Variants in ADCK1 observed in about 807,000 individuals in gnomAD.
The protein encoded by ADCK1 is aarF domain containing kinase 1.
Under a neutral mutation model 52.3 loss-of-function variants are expected in ADCK1, and 41 were observed. That is an observed-to-expected ratio of 0.78 (90% confidence interval 0.61 to 1.02). The LOEUF (loss-of-function observed/expected upper bound fraction) is 1.02. Ranked by LOEUF, ADCK1 falls within the 50% of genes least tolerant of loss-of-function variation. The pLI is 0.00. For synonymous variants in ADCK1, 250 were observed against 274.6 expected, an observed-to-expected ratio of 0.91 and a Z score of 0.89; for missense variants, 658 against 679.5, an observed-to-expected ratio of 0.97 and a Z score of 0.35.
intron 4 of ADCK1, among the ~76,000 whole-genome samples, chr14:77,860,444 T>C (rs1594955771): frequency 6.6e-6 from 1 of 152,308 alleles, no homozygotes; most frequent in South Asian, 2.1e-4. Context: ...GCACTGACTA[T>C]TGGTCCCTTA....
At chr14:77,835,073 C>T (rs1479204998) in intron 3 of ADCK1, among the ~76,000 whole-genome samples, 1 of 152,188 alleles carries the variant, frequency 6.6e-6, no homozygotes, top group African/African-American at 2.4e-5. Flanking sequence ...GTGGCAACAT[C>T]ATGAGAGATG....
chr14:77,824,260 A>G (rs1293494293), intron 3 of ADCK1, among the ~76,000 whole-genome samples: 2 of 152,096 alleles, frequency 1.3e-5, no homozygotes, highest in Non-Finnish European at 2.9e-5. Flanking sequence ...ACATTGTTTT[A>G]TCTGTAAATA....
At chr14:77,884,776 G>T (rs1446828339) in intron 4 of ADCK1, among the ~76,000 whole-genome samples, 1 of 152,142 alleles carries the variant, frequency 6.6e-6, no homozygotes, top group African/African-American at 2.4e-5. Context: ...TATATCAAAC[G>T]AAAGTAAAAT....
chr14:77,823,507 A>G (rs927082645), intron 3 of ADCK1, among the ~76,000 whole-genome samples: 1 of 152,190 alleles, frequency 6.6e-6, no homozygotes, highest in Non-Finnish European at 1.5e-5. Context: ...GAACTGTCAT[A>G]TAGCTTCAGA....
chr14:77,841,163 G>A (rs2082057824), intron 3 of ADCK1, among the ~76,000 whole-genome samples: 1 of 152,184 alleles, frequency 6.6e-6, no homozygotes, highest in Non-Finnish European at 1.5e-5. Flanking sequence ...GCCCTGGAGA[G>A]GGAAACTGCA....
intron 3 of ADCK1, among the ~76,000 whole-genome samples, chr14:77,854,562 T>TTG (rs1471249194): frequency 2.7e-5 from 4 of 147,154 alleles, no homozygotes; most frequent in Non-Finnish European, 6.0e-5. Flanking sequence ...GGGCTTTTTT[T>TTG]TTTTTTTTTT....
chr14:77,812,324 A>T (rs1382087487), intron 1 of ADCK1, among the ~76,000 whole-genome samples: 1 of 152,080 alleles, frequency 6.6e-6, no homozygotes, highest in East Asian at 1.9e-4. Context: ...CACCGTTCTA[A>T]CCTCTGCCTC....
chr14:77,862,587 G>C (rs1320812288), intron 4 of ADCK1, among the ~76,000 whole-genome samples: 1 of 152,218 alleles, frequency 6.6e-6, no homozygotes, highest in Non-Finnish European at 1.5e-5. Flanking sequence ...ACCACCCTGG[G>C]TGCCTCAGCC....
chr14:77,921,669 A>G (rs1190864748), intron 7 of ADCK1, among the ~76,000 whole-genome samples: 1 of 152,182 alleles, frequency 6.6e-6, no homozygotes, highest in Non-Finnish European at 1.5e-5. Context: ...ATGGAAAGAT[A>G]GAGTTGGAGG....
chr14:77,826,560 G>T (rs2081711438), intron 3 of ADCK1, among the ~76,000 whole-genome samples: 1 of 152,146 alleles, frequency 6.6e-6, no homozygotes, highest in African/African-American at 2.4e-5. Context: ...CCAGATCCCT[G>T]GTGTTCAAGA....
intron 1 of ADCK1, among the ~76,000 whole-genome samples, chr14:77,810,037 C>CA (rs558244331): frequency 0.16 from 17,234 of 107,438 alleles, 1,573 homozygotes; most frequent in Non-Finnish European, 0.22. Context: ...GACTCTGTCT[C>CA]AAAAAAAAAA....
chr14:77,882,264 G>A (rs977767889), intron 4 of ADCK1, among the ~76,000 whole-genome samples: 2 of 152,138 alleles, frequency 1.3e-5, no homozygotes, highest in African/African-American at 4.8e-5. Context: ...TGTAGGGGGG[G>A]CCAGCTCGAG....
chr14:77,818,189 A>G (rs746468644), intron 1 of ADCK1, among the ~76,000 whole-genome samples: 29 of 152,262 alleles, frequency 1.9e-4, no homozygotes, highest in Non-Finnish European at 3.5e-4. Flanking sequence ...CTGTATGTGC[A>G]TTGTGGTATC....
chr14:77,931,420 C>T (rs2140306729), intron 9 of ADCK1, 98 bp from the exon 10 acceptor site: 1 of 1,305,750 alleles, frequency 7.7e-7, no homozygotes, highest in Non-Finnish European at 1.1e-6. Context: ...CCTGGGGCTT[C>T]TTTGCAGCCC....
At chr14:77,888,872 T>C (rs1289879061) in intron 5 of ADCK1, among the ~76,000 whole-genome samples, 2 of 152,194 alleles carry the variant, frequency 1.3e-5, no homozygotes, top group Non-Finnish European at 2.9e-5. Context: ...TGTTTCTTCT[T>C]ATACACACTG....
chr14:77,911,634 C>G (rs1471525242), intron 7 of ADCK1, among the ~76,000 whole-genome samples: 1 of 152,114 alleles, frequency 6.6e-6, no homozygotes, highest in Non-Finnish European at 1.5e-5. Flanking sequence ...TTGCACAGTG[C>G]CTGGCGTGTG....
At chr14:77,854,865 C>T (rs952159960) in intron 3 of ADCK1, among the ~76,000 whole-genome samples, 1 of 152,154 alleles carries the variant, frequency 6.6e-6, no homozygotes, top group Non-Finnish European at 1.5e-5. Context: ...CAGGAGTGTG[C>T]TTTTCATATG....
intron 5 of ADCK1, among the ~76,000 whole-genome samples, chr14:77,897,362 C>T (rs903551554): frequency 8.5e-5 from 13 of 152,178 alleles, no homozygotes; most frequent in Non-Finnish European, 1.5e-5. Context: ...CTTGCTCACC[C>T]ACTACAGAGC....
chr14:77,815,390 A>G lies in ADCK1; in HGVS notation c.-11-3578A>G, dbSNP rs144895585. ...CCAGGCTAATGTTTAAATTTTTTGT[A>G]GAGATGGGGTCTCCCTTTTTTCTTC... On this transcript the variant is annotated intron_variant, in intron 1 of 10. Coordinates refer to ENST00000238561, the MANE Select transcript of ADCK1 (RefSeq NM_020421.4). Among the ~76,000 whole-genome samples the G allele has an allele frequency of 5.4e-3, 821 of 151,640 alleles. 1 individual carries two copies. The highest frequency in any genetic ancestry group is 9.3e-3 in the Non-Finnish European group (631 of 67,886).
Sources: gnomAD v4.1 joint callset for allele counts (sites outside exome capture counted in the v4.1 genomes callset) on GRCh38, gnomAD v4.1.1 for gene constraint, MANE v1.5 for transcripts, NCBI Gene and HGNC (gene_info 2026-07-23, HGNC 2026-07-21) for gene names.